Variants in FGD4 observed in about 807,000 individuals in gnomAD.
FGD4 encodes the protein FYVE, RhoGEF and PH domain-containing protein 4.
Under a neutral mutation model 102.0 loss-of-function variants are expected in FGD4, and 42 were observed. The ratio of observed to expected loss-of-function variants is 0.41; its 90% CI spans 0.32 to 0.53. The LOEUF (loss-of-function observed/expected upper bound fraction) is 0.53. FGD4 is among the 20% of genes least tolerant of loss of function. The pLI, the probability that FGD4 is intolerant of heterozygous loss-of-function variation, is 0.21. For missense variants in FGD4, 902 were observed against 1,078.2 expected, an observed-to-expected ratio of 0.84 and a Z score of 2.29; for synonymous variants, 380 against 375.7, an observed-to-expected ratio of 1.01 and a Z score of -0.13.
chr12:32,540,798 C>G (rs1942759726), intron 1 of FGD4, among the ~76,000 whole-genome samples: 1 of 152,056 alleles, frequency 6.6e-6, no homozygotes, highest in Non-Finnish European at 1.5e-5. Flanking sequence ...CTCCTGACTT[C>G]AGGTGATTCG....
chr12:32,450,755 T>C (rs1173796833), intron 1 of FGD4, among the ~76,000 whole-genome samples: 2 of 152,228 alleles, frequency 1.3e-5, no homozygotes, highest in Non-Finnish European at 2.9e-5. Flanking sequence ...AAGTCATGAA[T>C]TGTTCATACT....
At chr12:32,602,081 C>T in intron 6 of FGD4, 80 bp from the exon 7 acceptor site, 3 of 1,331,770 alleles carry the variant, frequency 2.3e-6, no homozygotes, top group Non-Finnish European at 3.2e-6. Context: ...TGCCACTGCA[C>T]TACAGTCTGG....
chr12:32,593,981 A>G (rs1947678589), intron 4 of FGD4, among the ~76,000 whole-genome samples: 1 of 152,252 alleles, frequency 6.6e-6, no homozygotes, highest in Admixed American at 6.5e-5. Flanking sequence ...AGGAAAGATC[A>G]CTAGGTACCA....
chr12:32,536,087 T>G (rs2136096589), intron 1 of FGD4, among the ~76,000 whole-genome samples: 1 of 152,328 alleles, frequency 6.6e-6, no homozygotes, highest in Non-Finnish European at 1.5e-5. Context: ...ATAACAGTTT[T>G]TTTTTTTTAA....
At chr12:32,440,009 A>T (rs1199197953) in intron 1 of FGD4, among the ~76,000 whole-genome samples, 1 of 151,942 alleles carries the variant, frequency 6.6e-6, no homozygotes, top group Non-Finnish European at 1.5e-5. Context: ...AATTATTTCA[A>T]TCTCCGTTAA....
chr12:32,624,764 A>G (rs1211390950), intron 12 of FGD4: 1 of 626,288 alleles, frequency 1.6e-6, no homozygotes, highest in African/African-American at 1.8e-5. Context: ...GTGAGCCACC[A>G]CGCCCAGCTT....
chr12:32,442,046 T>G (rs1391134631), intron 1 of FGD4, among the ~76,000 whole-genome samples: 3 of 127,988 alleles, frequency 2.3e-5, no homozygotes, highest in African/African-American at 1.0e-4. Flanking sequence ...TTGTTGTGTT[T>G]TTTTTTTTTT....
intron 1 of FGD4, among the ~76,000 whole-genome samples, chr12:32,478,025 T>C (rs1032276352): frequency 9.9e-5 from 15 of 152,182 alleles, no homozygotes; most frequent in African/African-American, 3.6e-4. Context: ...CATATCTAAT[T>C]TGGAGTTCTG....
intron 1 of FGD4, among the ~76,000 whole-genome samples, chr12:32,457,452 GCTTAT>G (rs1476866116): frequency 6.6e-6 from 1 of 152,142 alleles, no homozygotes; most frequent in Non-Finnish European, 1.5e-5. Context: ...TTTGGAACTA[GCTTAT>G]CTTATGCATG....
intron 1 of FGD4, among the ~76,000 whole-genome samples, chr12:32,446,273 C>T (rs577354393): frequency 6.6e-6 from 1 of 152,246 alleles, no homozygotes; most frequent in African/African-American, 2.4e-5. Flanking sequence ...TTTAACCCCA[C>T]TCATTACAAG....
intron 15 of FGD4, among the ~76,000 whole-genome samples, chr12:32,636,955 C>CT (rs1950865436): frequency 6.7e-6 from 1 of 149,770 alleles, no homozygotes; most frequent in Non-Finnish European, 1.5e-5. Context: ...ACTGCAATCT[C>CT]TGCCTCCCCG....
intron 1 of FGD4, among the ~76,000 whole-genome samples, chr12:32,423,460 C>T (rs929867590): frequency 6.6e-6 from 1 of 151,696 alleles, no homozygotes; most frequent in Non-Finnish European, 1.5e-5. Context: ...GGCGTGGTGG[C>T]AGGCGCCTGT....
At chr12:32,425,831 G>C (rs1941811824) in intron 1 of FGD4, among the ~76,000 whole-genome samples, 1 of 152,080 alleles carries the variant, frequency 6.6e-6, no homozygotes, top group South Asian at 2.1e-4. Context: ...ATTCTCTTTA[G>C]CAGTTGTGAA....
intron 1 of FGD4, among the ~76,000 whole-genome samples, chr12:32,475,053 T>C (rs1296965874): frequency 6.6e-6 from 1 of 152,200 alleles, no homozygotes; most frequent in Admixed American, 6.5e-5. Context: ...CACATGACCT[T>C]CACTGGTGCA....
chr12:32,612,695 C>T (rs565866743), intron 10 of FGD4, among the ~76,000 whole-genome samples: 1 of 152,256 alleles, frequency 6.6e-6, no homozygotes, highest in East Asian at 1.9e-4. Flanking sequence ...AATTCTCTTC[C>T]TAATCCTCTG....
chr12:32,444,860 G>T (rs1942565942), intron 1 of FGD4, among the ~76,000 whole-genome samples: 1 of 152,132 alleles, frequency 6.6e-6, no homozygotes, highest in African/African-American at 2.4e-5. Flanking sequence ...TTCCAAATTT[G>T]TAATAATGTA....
chr12:32,476,603 T>A (rs1322374034), intron 1 of FGD4, among the ~76,000 whole-genome samples: 2 of 152,162 alleles, frequency 1.3e-5, no homozygotes, highest in African/African-American at 4.8e-5. Context: ...GAAGTTGCCA[T>A]GCCTCTAGCT....
intron 1 of FGD4, among the ~76,000 whole-genome samples, chr12:32,412,664 A>G (rs1334248587): frequency 2.0e-5 from 3 of 152,138 alleles, no homozygotes; most frequent in Admixed American, 1.3e-4. Context: ...GCTGGAGTGC[A>G]TTGGCGCGAT....
intron 1 of FGD4, among the ~76,000 whole-genome samples, chr12:32,553,332 A>C (rs1331270545): frequency 1.3e-5 from 2 of 152,248 alleles, no homozygotes; most frequent in Non-Finnish European, 2.9e-5. Context: ...TTAAGGTGCC[A>C]CAGACAATAA....
Sources: allele counts gnomAD v4.1 joint callset (sites outside exome capture counted in the v4.1 genomes callset), GRCh38; gene constraint gnomAD v4.1.1; transcripts MANE v1.5; gene names NCBI Gene and HGNC (gene_info 2026-07-23, HGNC 2026-07-21).